PREX2: variants seen among roughly 807,000 people sequenced by gnomAD.
PREX2 encodes the protein phosphatidylinositol-3,4,5-trisphosphate dependent Rac exchange factor 2, also known as phosphatidylinositol 3,4,5-trisphosphate-dependent Rac exchanger 2 protein.
In PREX2, 107 loss-of-function variants were observed where a neutral mutation model predicts 203.2. That is an observed-to-expected ratio of 0.53 (90% CI 0.45 to 0.62). The LOEUF (loss-of-function observed/expected upper bound fraction) is 0.62. PREX2 is among the 20% of genes least tolerant of loss of function. The pLI is 0.00. For synonymous variants in PREX2, 672 were observed against 663.6 expected, an observed-to-expected ratio of 1.01 and a Z score of -0.19; for missense variants, 1,777 against 1,955.9, an observed-to-expected ratio of 0.91 and a Z score of 1.72.
At chr8:67,981,789 G>A (rs1254082998) in intron 1 of PREX2, among the ~76,000 whole-genome samples, 1 of 152,164 alleles carries the variant, frequency 6.6e-6, no homozygotes, top group East Asian at 1.9e-4. Flanking sequence ...TAGGAGCTCT[G>A]AAGCCAGTGA....
chr8:68,173,702 G>A (rs142706154), intron 35 of PREX2, among the ~76,000 whole-genome samples: 32 of 152,170 alleles, frequency 2.1e-4, no homozygotes, highest in East Asian at 1.9e-3. Context: ...TAAGTCCTTC[G>A]TTGTGATAAT....
intron 37 of PREX2, among the ~76,000 whole-genome samples, chr8:68,199,523 C>T (rs560201608): frequency 1.8e-4 from 28 of 152,098 alleles, no homozygotes; most frequent in African/African-American, 6.5e-4. Context: ...GAACACAGGA[C>T]CTAAAATATG....
intron 24 of PREX2, 112 bp downstream of exon 24, chr8:68,108,443 T>C (rs949592240): frequency 1.4e-5 from 10 of 693,314 alleles, no homozygotes; most frequent in Admixed American, 5.4e-5. Context: ...AAGCATGAAC[T>C]TTTATAAAGG....
chr8:68,195,967 A>G (rs1036673856), intron 37 of PREX2, among the ~76,000 whole-genome samples: 2 of 152,378 alleles, frequency 1.3e-5, no homozygotes, highest in South Asian at 2.1e-4. Context: ...TTTAATGCCA[A>G]TCTGAATCAG....
intron 34 of PREX2, among the ~76,000 whole-genome samples, chr8:68,151,233 C>T (rs187240091): frequency 1.3e-5 from 2 of 151,786 alleles, no homozygotes; most frequent in African/African-American, 4.8e-5. Context: ...CCAGCCTGGG[C>T]AACATAGTGA....
intron 37 of PREX2, 184 bp downstream of exon 37, chr8:68,192,709 C>T: frequency 5.7e-6 from 2 of 350,566 alleles, no homozygotes; most frequent in Non-Finnish European, 9.2e-6. Context: ...TTTAGTCATA[C>T]ACATGAAGGC....
intron 1 of PREX2, among the ~76,000 whole-genome samples, chr8:67,998,503 C>T (rs1426994749): frequency 6.6e-6 from 1 of 152,182 alleles, no homozygotes; most frequent in Admixed American, 6.5e-5. Flanking sequence ...GGTATGTTGA[C>T]TCATGCCTGT....
rs1216492294 is a variant in PREX2 at position 68,218,777 on chromosome 8, A to G, written c.4707+1059A>G. On this transcript the variant is annotated intron_variant, in intron 38 of 39. Transcript: ENST00000288368. ...TGCGAAGATCAGGCACAGAGAGAGC[A>G]TATACATTGGTACTTCTGGTTAGGG... Among the ~76,000 whole-genome samples, 19 of 152,320 alleles carry G rather than the reference A, an allele frequency of 1.2e-4. 1 individual carries two copies. Among genetic ancestry groups the G allele is most frequent in the Non-Finnish European group, 2.6e-4 (18 of 68,026 alleles).
chr8:68,202,395 T>G (rs371253102), intron 37 of PREX2, among the ~76,000 whole-genome samples: 7 of 152,112 alleles, frequency 4.6e-5, no homozygotes, highest in African/African-American at 1.7e-4. Context: ...GGTGAAGGAT[T>G]TGTGACTCTC....
intron 6 of PREX2, among the ~76,000 whole-genome samples, chr8:68,035,215 T>G (rs1807994918): frequency 6.6e-6 from 1 of 152,184 alleles, no homozygotes; most frequent in Non-Finnish European, 1.5e-5. Context: ...TTTGTTTTCA[T>G]AGTATTTTTT....
rs998044494 is a variant in PREX2, at chr8:67,987,945, A to T, written c.142-29901A>T. Among the ~76,000 whole-genome samples, 5 of 129,074 alleles carry T rather than the reference A, an allele frequency of 3.9e-5. No homozygotes were observed. The South Asian group carries it at 1.3e-3, about 34-fold the overall frequency. 84.7% of individuals were successfully genotyped at this position (129,074 alleles called of 152,430 possible). A position where few individuals can be genotyped will look rare whatever the true frequency, so the allele number is the denominator to read the frequency against. On this transcript the variant is annotated intron_variant, in intron 1 of 39. Coordinates refer to ENST00000288368, the MANE Select transcript of PREX2 (RefSeq NM_024870.4). The stretch of plus-strand genomic sequence containing the variant: ...TGTGTGTGTGTGTGTGTGAACACAC[A>T]TGCAATACACGCAGTGTCTTTGCAG...
chr8:68,152,525 C>T (rs17376647), intron 34 of PREX2, among the ~76,000 whole-genome samples: 7,227 of 152,068 alleles, frequency 0.048, 257 homozygotes, highest in Non-Finnish European at 0.078. Flanking sequence ...GGTTTCACGA[C>T]GACTCAATGG....
At chr8:68,210,866 T>A (rs971113563) in intron 37 of PREX2, among the ~76,000 whole-genome samples, 1 of 152,196 alleles carries the variant, frequency 6.6e-6, no homozygotes, top group Non-Finnish European at 1.5e-5. Context: ...AGGGGAGGGT[T>A]AACATGTAAA....
At chr8:68,036,307 T>C (rs1808029398) in intron 6 of PREX2, among the ~76,000 whole-genome samples, 1 of 152,204 alleles carries the variant, frequency 6.6e-6, no homozygotes, top group South Asian at 2.1e-4. Flanking sequence ...TCCTTGCATT[T>C]ATTAAGAAAG....
intron 1 of PREX2, among the ~76,000 whole-genome samples, chr8:68,010,616 G>C (rs569020734): frequency 1.3e-5 from 2 of 152,286 alleles, no homozygotes; most frequent in Non-Finnish European, 1.5e-5. Flanking sequence ...CCACCTCTCT[G>C]TGAGGCACAT....
intron 1 of PREX2, among the ~76,000 whole-genome samples, chr8:67,993,580 G>C (rs1257458249): frequency 6.6e-6 from 1 of 151,794 alleles, no homozygotes. Context: ...GCTAATTTTT[G>C]TATTTTTGGT....
chr8:68,225,080 G>A (rs979214816), intron 39 of PREX2, among the ~76,000 whole-genome samples: 3 of 152,022 alleles, frequency 2.0e-5, no homozygotes, highest in African/African-American at 7.2e-5. Flanking sequence ...TACTCCCTTA[G>A]CATCTTGTCA....
At chr8:67,960,102 G>C (rs1264737468) in intron 1 of PREX2, among the ~76,000 whole-genome samples, 1 of 151,704 alleles carries the variant, frequency 6.6e-6, no homozygotes, top group Non-Finnish European at 1.5e-5. Flanking sequence ...GTGCAGTGGC[G>C]CGATCTTGGC....
At chr8:68,181,404 A>G (rs768547650) in intron 35 of PREX2, among the ~76,000 whole-genome samples, 2 of 152,092 alleles carry the variant, frequency 1.3e-5, no homozygotes, top group Admixed American at 6.6e-5. Context: ...GTCTACAGCT[A>G]TTTATAAGAT....
Sources: gnomAD v4.1 joint callset for allele counts (sites outside exome capture counted in the v4.1 genomes callset) on GRCh38, gnomAD v4.1.1 for gene constraint, MANE v1.5 for transcripts, NCBI Gene and HGNC (gene_info 2026-07-23, HGNC 2026-07-21) for gene names.